Variants in CNTNAP2 observed in about 807,000 individuals in gnomAD.
CNTNAP2 encodes contactin associated protein 2.
A neutral mutation model predicts 155.2 loss-of-function variants in CNTNAP2; 98 were observed. The observed-to-expected ratio is 0.63, with a 90% confidence interval of 0.54 to 0.75. The LOEUF (loss-of-function observed/expected upper bound fraction) is 0.75, where lower values mean the gene tolerates loss of function less well. Ranked by LOEUF, CNTNAP2 falls within the 30% of genes least tolerant of loss-of-function variation. The probability of loss-of-function intolerance (pLI) is 0.00; values close to 1 mark genes in which losing one functional copy is unlikely to be tolerated. For synonymous variants in CNTNAP2, 651 were observed against 631.2 expected (o/e 1.03, Z -0.47); for missense variants, 1,727 against 1,688.1 (o/e 1.02, Z -0.40).
intron 22 of CNTNAP2, among the ~76,000 whole-genome samples, chr7:148,385,382 T>TAAGA (rs1470772768): frequency 3.9e-5 from 6 of 152,070 alleles, no homozygotes; most frequent in Non-Finnish European, 7.4e-5. Context: ...AGAAGAAAAG[T>TAAGA]AAGAGTGAAA....
At chr7:147,613,365 C>A (rs2116880327) in intron 12 of CNTNAP2, among the ~76,000 whole-genome samples, 1 of 152,244 alleles carries the variant, frequency 6.6e-6, no homozygotes, top group Non-Finnish European at 1.5e-5. Flanking sequence ...TGTAGAAGTT[C>A]TTTATGTAGC....
intron 13 of CNTNAP2, among the ~76,000 whole-genome samples, chr7:147,873,785 T>A (rs1431824178): frequency 6.6e-6 from 1 of 152,108 alleles, no homozygotes; most frequent in African/African-American, 2.4e-5. Flanking sequence ...ACAAGGCAAG[T>A]CCCTTCTGCC....
At chr7:148,171,139 A>G (rs77110717) in intron 17 of CNTNAP2, among the ~76,000 whole-genome samples, 2,026 of 152,304 alleles carry the variant, frequency 0.013, 17 homozygotes, top group Middle Eastern at 0.034. Context: ...CATCTGTACA[A>G]TGGGAATAAT....
intron 12 of CNTNAP2, among the ~76,000 whole-genome samples, chr7:147,636,679 G>A (rs1336120961): frequency 6.6e-6 from 1 of 152,126 alleles, no homozygotes; most frequent in South Asian, 2.1e-4. Context: ...CCACTCATGA[G>A]TGAGAACATT....
intron 21 of CNTNAP2, among the ~76,000 whole-genome samples, chr7:148,383,131 G>C (rs916685810): frequency 6.6e-6 from 1 of 151,974 alleles, no homozygotes; most frequent in African/African-American, 2.4e-5. Flanking sequence ...AGAATTCCAA[G>C]GGGATTGGAT....
intron 13 of CNTNAP2, among the ~76,000 whole-genome samples, chr7:147,712,647 A>G (rs963762008): frequency 1.3e-5 from 2 of 152,162 alleles, no homozygotes; most frequent in African/African-American, 2.4e-5. Context: ...CGCAAGGACA[A>G]AAAACCAAAC....
In CNTNAP2 at chr7:146,264,384, G is replaced by C. The variant is rs148749553; in HGVS notation, c.97+147411G>C. Among the ~76,000 whole-genome samples the C allele has an allele frequency of 4.3e-3, 650 of 152,126 alleles. 5 individuals carry two copies. Among genetic ancestry groups the C allele is most frequent in the African/African-American group, 0.015 (623 of 41,500 alleles). ...GAGAGTCGCTTGAACCAAGGAGGCA[G>C]AGGTTGCAGTGAGCCGAGATCATGC... On this transcript the variant is annotated intron_variant, in intron 1 of 23. Transcript: ENST00000361727.
chr7:147,667,823 AATAAAAAAAT>A, intron 13 of CNTNAP2, among the ~76,000 whole-genome samples: 3 of 142,788 alleles, frequency 2.1e-5, no homozygotes, highest in African/African-American at 5.2e-5. Context: ...AAAAAAATAA[AATAAAAAAAT>A]AAAAGATACC....
intron 21 of CNTNAP2, among the ~76,000 whole-genome samples, chr7:148,281,768 G>A (rs1175160414): frequency 6.6e-6 from 1 of 151,692 alleles, no homozygotes; most frequent in Non-Finnish European, 1.5e-5. Flanking sequence ...CATTACAGCT[G>A]AGGAAAATGA....
intron 13 of CNTNAP2, among the ~76,000 whole-genome samples, chr7:147,850,337 C>T (rs1020481118): frequency 6.6e-6 from 1 of 152,172 alleles, no homozygotes; most frequent in Admixed American, 6.5e-5. Flanking sequence ...AATGGCCATA[C>T]TGCCCAAGGT....
intron 9 of CNTNAP2, among the ~76,000 whole-genome samples, chr7:147,384,643 A>G (rs1248909978): frequency 2.0e-5 from 3 of 152,336 alleles, no homozygotes; most frequent in East Asian, 1.9e-4. Context: ...AATCTCATCA[A>G]TAATCCATAG....
chr7:146,892,310 G>T (rs1448307833), intron 3 of CNTNAP2, among the ~76,000 whole-genome samples: 1 of 152,120 alleles, frequency 6.6e-6, no homozygotes, highest in African/African-American at 2.4e-5. Flanking sequence ...CCATGACACA[G>T]GAAGTGAATG....
intron 1 of CNTNAP2, among the ~76,000 whole-genome samples, chr7:146,758,721 C>T (rs1563218956): frequency 1.3e-5 from 2 of 152,160 alleles, no homozygotes; most frequent in African/African-American, 4.8e-5. Context: ...CTACTTTCCA[C>T]AGGGTCCCTC....
At chr7:147,704,070 A>T (rs1343156353) in intron 13 of CNTNAP2, among the ~76,000 whole-genome samples, 1 of 152,174 alleles carries the variant, frequency 6.6e-6, no homozygotes, top group East Asian at 1.9e-4. Context: ...TTAGGTTGGC[A>T]CAGCAGTAAT....
intron 13 of CNTNAP2, among the ~76,000 whole-genome samples, chr7:147,859,124 A>AT (rs911495201): frequency 5.6e-4 from 86 of 152,232 alleles, no homozygotes; most frequent in Middle Eastern, 3.4e-3. Flanking sequence ...CCCTAAGATG[A>AT]TTTTTTCAAG....
At chr7:147,581,743 T>C (rs1584829705) in intron 12 of CNTNAP2, among the ~76,000 whole-genome samples, 1 of 152,158 alleles carries the variant, frequency 6.6e-6, no homozygotes, top group East Asian at 1.9e-4. Context: ...GTACTCGGTT[T>C]AGTTATCTGA....
chr7:148,083,981 G>T (rs1048566779), intron 15 of CNTNAP2, among the ~76,000 whole-genome samples: 2 of 152,160 alleles, frequency 1.3e-5, no homozygotes, highest in African/African-American at 2.4e-5. Context: ...ACACTCCGTA[G>T]GTGACCATAG....
chr7:147,568,415 G>C (rs1450077532), intron 12 of CNTNAP2, among the ~76,000 whole-genome samples: 1 of 152,156 alleles, frequency 6.6e-6, no homozygotes, highest in Non-Finnish European at 1.5e-5. Context: ...TGGAAATTTA[G>C]AAATTAGGGG....
At chr7:147,629,975 T>C (rs1795055373) in intron 12 of CNTNAP2, among the ~76,000 whole-genome samples, 1 of 149,966 alleles carries the variant, frequency 6.7e-6, no homozygotes, top group Non-Finnish European at 1.5e-5. Flanking sequence ...ATAACAAAGA[T>C]CAGAACAGAA....
Sources: gnomAD v4.1 joint callset for allele counts (sites outside exome capture counted in the v4.1 genomes callset) on GRCh38, gnomAD v4.1.1 for gene constraint, MANE v1.5 for transcripts, NCBI Gene and HGNC (gene_info 2026-07-23, HGNC 2026-07-21) for gene names.